SECISBP2L: variants seen among roughly 807,000 people sequenced by gnomAD.
The protein encoded by SECISBP2L is selenocysteine insertion sequence-binding protein 2-like.
A neutral mutation model predicts 114.7 loss-of-function variants in SECISBP2L; 43 were observed. The observed-to-expected ratio is 0.38, with a 90% confidence interval of 0.29 to 0.48. The LOEUF is 0.48. Among genes scored for constraint, SECISBP2L ranks in the 20% least tolerant of loss-of-function variants. SECISBP2L has a pLI of 0.98. For synonymous variants in SECISBP2L, 451 were observed against 439.7 expected, an observed-to-expected ratio of 1.03 and a Z score of -0.32; for missense variants, 1,136 against 1,301.1, an observed-to-expected ratio of 0.87 and a Z score of 1.95.
intron 1 of SECISBP2L, chr15:49,042,214 TG>T (rs887667680): frequency 1.3e-5 from 2 of 152,266 alleles, no homozygotes; most frequent in Non-Finnish European, 2.9e-5. Flanking sequence ...CTTCTTGCCT[TG>T]GATGCTTAAT....
intron 4 of SECISBP2L, among the ~76,000 whole-genome samples, chr15:49,029,688 G>A (rs1902842791): frequency 6.6e-6 from 1 of 152,146 alleles, no homozygotes; most frequent in South Asian, 2.1e-4. Flanking sequence ...GAACTTAGGG[G>A]ATGCACATAT....
At chr15:49,015,857 C>T (rs912705720) in intron 11 of SECISBP2L, among the ~76,000 whole-genome samples, 1 of 152,126 alleles carries the variant, frequency 6.6e-6, no homozygotes, top group Non-Finnish European at 1.5e-5. Flanking sequence ...AGTCAAAATG[C>T]ATATCAACTG....
At chr15:49,000,846 T>C (rs1357210445) in intron 15 of SECISBP2L, 31 bp downstream of exon 15, 2 of 1,570,060 alleles carry the variant, frequency 1.3e-6, no homozygotes, top group African/African-American at 1.4e-5. Context: ...AGCTATACTA[T>C]CAAAACACTT....
At chr15:49,022,177 G>A (rs1416462484) in intron 7 of SECISBP2L, among the ~76,000 whole-genome samples, 1 of 152,132 alleles carries the variant, frequency 6.6e-6, no homozygotes, top group Non-Finnish European at 1.5e-5. Context: ...GAGTGCAGTG[G>A]CGCCATCATA....
intron 1 of SECISBP2L, among the ~76,000 whole-genome samples, chr15:49,044,408 T>A (rs1275186769): frequency 2.0e-5 from 3 of 152,082 alleles, no homozygotes; most frequent in Non-Finnish European, 4.4e-5. Context: ...ACGATGAAAA[T>A]AATGGATTCT....
intron 8 of SECISBP2L, among the ~76,000 whole-genome samples, chr15:49,018,829 T>A (rs1283417470): frequency 6.6e-6 from 1 of 152,156 alleles, no homozygotes; most frequent in Non-Finnish European, 1.5e-5. Context: ...GTATTAGGTG[T>A]GTATATGCCT....
chr15:49,026,401 A>G (rs2141078071), intron 7 of SECISBP2L, among the ~76,000 whole-genome samples: 1 of 152,318 alleles, frequency 6.6e-6, no homozygotes, highest in Admixed American at 6.5e-5. Context: ...GAAATGATCT[A>G]TGTTTGAGAT....
intron 1 of SECISBP2L, among the ~76,000 whole-genome samples, chr15:49,041,435 T>G (rs1903129291): frequency 6.6e-6 from 1 of 152,230 alleles, no homozygotes; most frequent in Admixed American, 6.5e-5. Context: ...AAGAGTTTAT[T>G]AGACAAATGT....
chr15:49,029,243 C>T (rs1354065225), intron 4 of SECISBP2L, among the ~76,000 whole-genome samples: 3 of 152,124 alleles, frequency 2.0e-5, no homozygotes, highest in Non-Finnish European at 4.4e-5. Context: ...GGAAAGAGAA[C>T]ATCGTCAATC....
intron 11 of SECISBP2L, among the ~76,000 whole-genome samples, chr15:49,015,085 C>CA (rs1193870092): frequency 6.6e-6 from 1 of 152,030 alleles, no homozygotes; most frequent in East Asian, 1.9e-4. Flanking sequence ...ATCTAATTCT[C>CA]AAGACAATCC....
intron 4 of SECISBP2L, among the ~76,000 whole-genome samples, chr15:49,029,709 T>C (rs543298173): frequency 6.6e-6 from 1 of 152,300 alleles, no homozygotes; most frequent in African/African-American, 2.4e-5. Flanking sequence ...CCAACTTTAC[T>C]TGATGCCAAA....
chr15:49,001,225 AG>A, intron 14 of SECISBP2L, 128 bp from the exon 15 acceptor site: 1 of 632,668 alleles, frequency 1.6e-6, no homozygotes, highest in East Asian at 2.8e-5. Context: ...AGTCTCTTAA[AG>A]AAGTGTTTAA....
At chr15:49,017,838 CCA>C (rs1902566840) in intron 8 of SECISBP2L, 1 of 380,032 alleles carries the variant, frequency 2.6e-6, no homozygotes, top group Non-Finnish European at 4.7e-6. Context: ...CCACACATGT[CCA>C]GTTTTTGGAT....
chr15:49,029,161 T>C (rs1459628367), intron 4 of SECISBP2L, among the ~76,000 whole-genome samples: 4 of 152,226 alleles, frequency 2.6e-5, no homozygotes, highest in Non-Finnish European at 4.4e-5. Context: ...GTCTATATGT[T>C]CTATATGTTT....
At chr15:49,000,781 A>G (rs1902187285) in intron 15 of SECISBP2L, 96 bp downstream of exon 15, 2 of 987,970 alleles carry the variant, frequency 2.0e-6, no homozygotes, top group Admixed American at 5.9e-5. Context: ...TTTTATACCT[A>G]AACTCTGATG....
rs559727378 is a variant in SECISBP2L, at chr15:49,024,160, A to G, written c.1035+3205T>C. On this transcript the variant is annotated intron_variant, in intron 7 of 17. Transcript: ENST00000559471. ...TTAAACAGCATGGTATAGGTGCAAAAATATGATAAACTGAACAAAACAAGT... is the reference window on the plus strand; with the variant it reads ...TTAAACAGCATGGTATAGGTGCAAAGATATGATAAACTGAACAAAACAAGT... 6.6e-5 allele frequency among the ~76,000 whole-genome samples: 10 copies of G among 152,276 alleles called. No individual in the cohort carries two copies. The South Asian group carries it at 2.1e-3, about 32-fold the overall frequency.
At chr15:49,038,852 AAAAG>A (rs1903064826) in intron 1 of SECISBP2L, among the ~76,000 whole-genome samples, 1 of 152,204 alleles carries the variant, frequency 6.6e-6, no homozygotes. Flanking sequence ...AAATTACCTT[AAAAG>A]CCATGGTCCT....
At chr15:49,018,989 A>G (rs985573651) in intron 8 of SECISBP2L, among the ~76,000 whole-genome samples, 1 of 152,216 alleles carries the variant, frequency 6.6e-6, no homozygotes, top group African/African-American at 2.4e-5. Flanking sequence ...TGAACTGTCT[A>G]TCAGAGAAAG....
intron 14 of SECISBP2L, among the ~76,000 whole-genome samples, chr15:49,007,463 G>A (rs1902348002): frequency 6.6e-6 from 1 of 152,204 alleles, no homozygotes; most frequent in Admixed American, 6.5e-5. Flanking sequence ...CGTGACCAGG[G>A]CTGCTGTCTT....
Sources: allele counts gnomAD v4.1 joint callset (sites outside exome capture counted in the v4.1 genomes callset), GRCh38; gene constraint gnomAD v4.1.1; transcripts MANE v1.5; gene names NCBI Gene and HGNC (gene_info 2026-07-23, HGNC 2026-07-21).